STK3: variants seen among roughly 807,000 people sequenced by gnomAD.
The protein encoded by STK3 is serine/threonine kinase 3.
In STK3, 41 loss-of-function variants were observed where a neutral mutation model predicts 58.0. The observed-to-expected ratio is 0.71, with a 90% CI of 0.55 to 0.92. The LOEUF is 0.92. Among genes scored for constraint, STK3 ranks in the 40% least tolerant of loss-of-function variants. The probability of loss-of-function intolerance (pLI) is 0.00; values close to 1 mark genes in which losing one functional copy is unlikely to be tolerated. For synonymous variants in STK3, 170 were observed against 191.0 expected (o/e 0.89, Z 0.91); for missense variants, 479 against 602.7 (o/e 0.79, Z 2.15).
chr8:98,704,491 C>T (rs563846573), intron 6 of STK3, among the ~76,000 whole-genome samples: 19 of 150,554 alleles, frequency 1.3e-4, no homozygotes, highest in Non-Finnish European at 2.2e-4. Flanking sequence ...TTTACTTGGG[C>T]GATAGCTGTC....
chr8:98,600,342 A>G (rs1279387180), intron 6 of STK3, among the ~76,000 whole-genome samples: 1 of 152,218 alleles, frequency 6.6e-6, no homozygotes, highest in African/African-American at 2.4e-5. Context: ...CTCTGTTCCC[A>G]TATCTTAATA....
At chr8:98,610,191 A>G (rs1817080478) in intron 6 of STK3, among the ~76,000 whole-genome samples, 1 of 71,258 alleles carries the variant, frequency 1.4e-5, no homozygotes, top group Non-Finnish European at 2.5e-5. Flanking sequence ...ATGTTTCAAA[A>G]CAGAAAAAAA....
At chr8:98,609,561 C>T (rs1386195157) in intron 6 of STK3, among the ~76,000 whole-genome samples, 2 of 151,844 alleles carry the variant, frequency 1.3e-5, no homozygotes, top group African/African-American at 4.8e-5. Flanking sequence ...TAGAAGTTTA[C>T]AAAAAATAAG....
intron 1 of STK3, among the ~76,000 whole-genome samples, chr8:98,822,609 G>A (rs1418747838): frequency 2.0e-5 from 3 of 152,234 alleles, no homozygotes; most frequent in African/African-American, 7.2e-5. Flanking sequence ...CATACTTGAT[G>A]AGGTAGGCTT....
At chr8:98,563,427 G>T (rs919021375) in intron 8 of STK3, among the ~76,000 whole-genome samples, 17 of 152,070 alleles carry the variant, frequency 1.1e-4, no homozygotes, top group African/African-American at 2.4e-5. Flanking sequence ...ACACACACGT[G>T]CCTACATATA....
chr8:98,744,095 G>C (rs1829460809), intron 4 of STK3, among the ~76,000 whole-genome samples: 1 of 152,110 alleles, frequency 6.6e-6, no homozygotes, highest in Non-Finnish European at 1.5e-5. Context: ...GTGCTGGAGA[G>C]GATGTGGAGA....
intron 6 of STK3, among the ~76,000 whole-genome samples, chr8:98,621,870 T>C (rs1818351921): frequency 6.6e-6 from 1 of 151,934 alleles, no homozygotes; most frequent in Non-Finnish European, 1.5e-5. Flanking sequence ...GGCCAGATGA[T>C]ACAGATTGTG....
intron 1 of STK3, among the ~76,000 whole-genome samples, chr8:98,786,649 G>T (rs575126695): frequency 1.3e-5 from 2 of 152,232 alleles, no homozygotes; most frequent in South Asian, 4.1e-4. Flanking sequence ...TATGTAAAGC[G>T]ATCAAACCTA....
At chr8:98,858,323 T>TATATATATATAGAGAGAG (rs1189807446) in intron 3 of STK3, among the ~76,000 whole-genome samples, 8 of 16,272 alleles carry the variant, frequency 4.9e-4, no homozygotes, top group African/African-American at 6.9e-4. Context: ...TATATATATA[T>TATATATATATAGAGAGAG]AGAGAGAGAG....
At chr8:98,655,775 A>G (rs1821443386) in intron 6 of STK3, among the ~76,000 whole-genome samples, 1 of 152,134 alleles carries the variant, frequency 6.6e-6, no homozygotes, top group Non-Finnish European at 1.5e-5. Context: ...GCAAATCAAA[A>G]CCACAATGAG....
chr8:98,675,052 A>G (rs1187300862), intron 6 of STK3, among the ~76,000 whole-genome samples: 2 of 152,216 alleles, frequency 1.3e-5, no homozygotes, highest in Non-Finnish European at 2.9e-5. Context: ...CACTGTTTCA[A>G]AAGCACAGAG....
chr8:98,598,505 C>T lies in STK3; in HGVS notation c.685-2336G>A, dbSNP rs527655108. ...ATTTATTTCCATTTTTTAAGGTTAG[C>T]TCATCAATAATAGATTTTCTTGACA... On this transcript the variant is annotated intron_variant, in intron 6 of 10. Coordinates refer to ENST00000419617, the MANE Select transcript of STK3 (RefSeq NM_006281.4). 668 of 985,376 alleles carry T rather than the reference C, an allele frequency of 6.8e-4. 9 individuals carry two copies. In the South Asian group the frequency reaches 0.027, roughly 40 times the overall value. 61.0% of individuals were successfully genotyped at this position (985,376 alleles called of 1,614,324 possible).
chr8:98,476,636 G>C (rs1036364601), intron 10 of STK3, among the ~76,000 whole-genome samples: 1 of 152,080 alleles, frequency 6.6e-6, no homozygotes, highest in Non-Finnish European at 1.5e-5. Flanking sequence ...TTTTAGTGTT[G>C]CATAAAACAA....
At chr8:98,393,367 G>A (rs1378989972) in intron 3 of STK3, among the ~76,000 whole-genome samples, 1 of 152,140 alleles carries the variant, frequency 6.6e-6, no homozygotes, top group African/African-American at 2.4e-5. Context: ...GGCTCTGGAA[G>A]GGTACAGATA....
At chr8:98,831,664 T>A (rs796148123) in intron 3 of STK3, among the ~76,000 whole-genome samples, 5 of 152,332 alleles carry the variant, frequency 3.3e-5, no homozygotes, top group African/African-American at 1.2e-4. Flanking sequence ...TAATCAAATA[T>A]ATTGTGTAGG....
At chr8:98,893,923 A>C (rs1268219609) in intron 1 of STK3, among the ~76,000 whole-genome samples, 3 of 152,236 alleles carry the variant, frequency 2.0e-5, no homozygotes, top group African/African-American at 7.2e-5. Context: ...AAAAGTATTA[A>C]AGTTTCAGCA....
At chr8:98,697,246 C>G (rs1391396340) in intron 6 of STK3, among the ~76,000 whole-genome samples, 2 of 152,286 alleles carry the variant, frequency 1.3e-5, no homozygotes, top group African/African-American at 4.8e-5. Context: ...ATTCTTCTCT[C>G]TTTTCTTCTT....
At chr8:98,431,678 A>G (rs1202181127) in intron 3 of STK3, 2 of 167,112 alleles carry the variant, frequency 1.2e-5, no homozygotes, top group East Asian at 3.8e-4. Context: ...AGATTTTTCT[A>G]AACAAGAAGG....
At chr8:98,475,683 G>A (rs1821253176) in intron 10 of STK3, among the ~76,000 whole-genome samples, 1 of 152,080 alleles carries the variant, frequency 6.6e-6, no homozygotes, top group Non-Finnish European at 1.5e-5. Flanking sequence ...TGATATCTAC[G>A]CTATGATAAA....
Sources: gnomAD v4.1 joint callset for allele counts (sites outside exome capture counted in the v4.1 genomes callset) on GRCh38, gnomAD v4.1.1 for gene constraint, MANE v1.5 for transcripts, NCBI Gene and HGNC (gene_info 2026-07-23, HGNC 2026-07-21) for gene names.